SCARA5: variants seen among roughly 807,000 people sequenced by gnomAD.
SCARA5 encodes the protein scavenger receptor class A, member 5 (putative).
A neutral mutation model predicts 46.3 loss-of-function variants in SCARA5; 45 were observed. The ratio of observed to expected loss-of-function variants is 0.97; its 90% confidence interval spans 0.76 to 1.24. SCARA5 has a LOEUF of 1.24. Among genes scored for constraint, SCARA5 ranks in the 50% most tolerant of loss-of-function variants. The probability of loss-of-function intolerance (pLI) is 0.00; values close to 1 mark genes in which losing one functional copy is unlikely to be tolerated. For synonymous variants in SCARA5, 333 were observed against 306.5 expected, an observed-to-expected ratio of 1.09 and a Z score of -0.90; for missense variants, 680 against 689.0, an observed-to-expected ratio of 0.99 and a Z score of 0.15.
chr8:27,878,998 C>G (rs1044220959), intron 8 of SCARA5, among the ~76,000 whole-genome samples: 2 of 152,074 alleles, frequency 1.3e-5, no homozygotes, highest in Non-Finnish European at 2.9e-5. Context: ...GTGGGAGGAT[C>G]GCTTGAGCCC....
intron 3 of SCARA5, among the ~76,000 whole-genome samples, chr8:27,924,991 C>T (rs1389497548): frequency 6.6e-6 from 1 of 152,090 alleles, no homozygotes; most frequent in Non-Finnish European, 1.5e-5. Flanking sequence ...TAAAAGAGGA[C>T]ACAAACAAAT....
At chr8:27,930,528 G>A (rs959094816) in intron 3 of SCARA5, among the ~76,000 whole-genome samples, 4 of 152,074 alleles carry the variant, frequency 2.6e-5, no homozygotes, top group African/African-American at 9.7e-5. Context: ...TCAGCCTCCG[G>A]AGTAGCTGGG....
chr8:27,890,549 C>T (rs570711931), intron 7 of SCARA5, among the ~76,000 whole-genome samples: 6 of 152,154 alleles, frequency 3.9e-5, no homozygotes, highest in East Asian at 1.9e-4. Flanking sequence ...TAGATGTGTG[C>T]GTGACTTTAT....
chr8:27,942,113 G>T (rs916170564), intron 3 of SCARA5, among the ~76,000 whole-genome samples: 1 of 152,072 alleles, frequency 6.6e-6, no homozygotes, highest in Non-Finnish European at 1.5e-5. Context: ...ACAGGTGTGA[G>T]CCACTGCGCC....
At chr8:27,901,236 T>A (rs1281350332) in intron 7 of SCARA5, among the ~76,000 whole-genome samples, 1 of 152,154 alleles carries the variant, frequency 6.6e-6, no homozygotes, top group Non-Finnish European at 1.5e-5. Context: ...CACCAGTCCC[T>A]TTTGCACAGT....
chr8:27,942,110 T>G (rs2129873984), intron 3 of SCARA5, among the ~76,000 whole-genome samples: 1 of 152,190 alleles, frequency 6.6e-6, no homozygotes, highest in African/African-American at 2.4e-5. Flanking sequence ...ATTACAGGTG[T>G]GAGCCACTGC....
At chr8:27,957,444 C>A (rs2129916324) in intron 3 of SCARA5, among the ~76,000 whole-genome samples, 1 of 152,360 alleles carries the variant, frequency 6.6e-6, no homozygotes, top group East Asian at 1.9e-4. Context: ...GCAGAGTAAT[C>A]CCTTCTGCTC....
chr8:27,922,636 T>C (rs1807617673), intron 3 of SCARA5, among the ~76,000 whole-genome samples: 1 of 152,222 alleles, frequency 6.6e-6, no homozygotes, highest in African/African-American at 2.4e-5. Flanking sequence ...GTTGCGAATG[T>C]TGAAAAGCAG....
chr8:27,882,796 G>A (rs1042375933), intron 7 of SCARA5, among the ~76,000 whole-genome samples: 2 of 152,198 alleles, frequency 1.3e-5, no homozygotes, highest in African/African-American at 4.8e-5. Context: ...AGTGCCAGGT[G>A]CTTCCTGATT....
At chr8:27,872,207 GC>G in intron 8 of SCARA5, 137 bp from the exon 9 acceptor site, 2 of 754,798 alleles carry the variant, frequency 2.6e-6, no homozygotes, top group East Asian at 2.6e-5. Flanking sequence ...CCCTCTCCAC[GC>G]CCCCCGAAGA....
At chr8:27,972,124 C>G (rs1243366577) in intron 2 of SCARA5, among the ~76,000 whole-genome samples, 2 of 152,056 alleles carry the variant, frequency 1.3e-5, no homozygotes, top group Non-Finnish European at 2.9e-5. Flanking sequence ...CAAGACCAGC[C>G]TGGCCAACAT....
intron 5 of SCARA5, among the ~76,000 whole-genome samples, chr8:27,908,462 AACTG>A (rs1807309054): frequency 6.6e-6 from 1 of 152,296 alleles, no homozygotes; most frequent in Middle Eastern, 3.4e-3. Flanking sequence ...ACCCTTAATT[AACTG>A]ACTAATTGTT....
chr8:27,944,953 C>G (rs888067890), intron 3 of SCARA5, among the ~76,000 whole-genome samples: 25 of 151,962 alleles, frequency 1.6e-4, no homozygotes, highest in Admixed American at 9.8e-4. Context: ...ATGACTTGAA[C>G]CCAGGAGCTC....
At chr8:27,978,456 T>C (rs1808561315) in intron 2 of SCARA5, among the ~76,000 whole-genome samples, 1 of 152,172 alleles carries the variant, frequency 6.6e-6, no homozygotes, top group African/African-American at 2.4e-5. Flanking sequence ...CACTGAAATC[T>C]AAATCCCATG....
intron 4 of SCARA5, among the ~76,000 whole-genome samples, chr8:27,913,386 A>G (rs935961475): frequency 3.3e-5 from 5 of 152,124 alleles, no homozygotes; most frequent in African/African-American, 1.2e-4. Context: ...TCTTTAAATC[A>G]CTGATGCTGC....
chr8:27,977,326 C>A (rs572882404), intron 2 of SCARA5, among the ~76,000 whole-genome samples: 1 of 152,012 alleles, frequency 6.6e-6, no homozygotes, highest in South Asian at 2.1e-4. Context: ...CTCCCCAGGC[C>A]CCCCCATCAC....
In SCARA5 at chr8:27,871,791, G is replaced by A; in HGVS notation, c.*143C>T. 6.6e-7 allele frequency: 1 copy of A among 1,513,716 alleles called. No homozygotes were observed. The highest frequency in any genetic ancestry group is 8.8e-7 in the Non-Finnish European group (1 of 1,132,334). 93.8% of individuals were successfully genotyped at this position (1,513,716 alleles called of 1,614,324 possible). A position where few individuals can be genotyped will look rare whatever the true frequency, so the allele number is the denominator to read the frequency against. On this transcript the variant is annotated 3_prime_UTR_variant, in exon 9 of 9. Transcript: ENST00000354914. Reference sequence around the variant, plus strand: ...AGGGAAATGACGACCGGCCCCCACGGTCCTGGGATGCAGGTGTGAGGACTG... The same window carrying A: ...AGGGAAATGACGACCGGCCCCCACGATCCTGGGATGCAGGTGTGAGGACTG...
intron 8 of SCARA5, among the ~76,000 whole-genome samples, chr8:27,878,802 G>A (rs965806447): frequency 1.3e-4 from 20 of 152,200 alleles, no homozygotes; most frequent in Non-Finnish European, 2.5e-4. Flanking sequence ...TTGAAAAACA[G>A]GGATGGCTGG....
At chr8:27,919,385 C>T (rs1807545783) in intron 4 of SCARA5, among the ~76,000 whole-genome samples, 1 of 152,040 alleles carries the variant, frequency 6.6e-6, no homozygotes, top group Admixed American at 6.5e-5. Context: ...ATGTGCCCCA[C>T]TAGACTGGAT....
Sources: allele counts gnomAD v4.1 joint callset (sites outside exome capture counted in the v4.1 genomes callset), GRCh38; gene constraint gnomAD v4.1.1; transcripts MANE v1.5; gene names NCBI Gene and HGNC (gene_info 2026-07-23, HGNC 2026-07-21).